Variants in DOCK8 observed in about 807,000 individuals in gnomAD.
DOCK8 encodes dedicator of cytokinesis protein 8.
In DOCK8, 141 loss-of-function variants were observed where a neutral mutation model predicts 245.6. The ratio of observed to expected loss-of-function variants is 0.57; its 90% CI spans 0.50 to 0.66. The LOEUF is 0.66. Among genes scored for constraint, DOCK8 ranks in the 30% least tolerant of loss-of-function variants. The pLI, the probability that DOCK8 is intolerant of heterozygous loss-of-function variation, is 0.00. For missense variants in DOCK8, 2,965 were observed against 2,603.4 expected (o/e 1.14, Z -3.02); for synonymous variants, 1,168 against 970.2 (o/e 1.20, Z -3.79).
upstream of DOCK8, among the ~76,000 whole-genome samples, chr9:211,829 C>T (rs2046624467): frequency 6.6e-6 from 1 of 152,128 alleles, no homozygotes. Context: ...TCCTGCTTTT[C>T]CCTCCACTGG....
At chr9:411,873 TA>T in intron 28 of DOCK8, among the ~76,000 whole-genome samples, 1 of 152,122 alleles carries the variant, frequency 6.6e-6, no homozygotes, top group South Asian at 2.1e-4. Context: ...AAGCATTTAA[TA>T]AAATCTAATA....
At chr9:352,868 AG>A (rs1315139357) in intron 14 of DOCK8, among the ~76,000 whole-genome samples, 2 of 152,174 alleles carry the variant, frequency 1.3e-5, no homozygotes, top group Non-Finnish European at 2.9e-5. Context: ...GTATGAGTGT[AG>A]GGAGTGGGAA....
At chr9:412,705 A>G (rs917035559) in intron 28 of DOCK8, among the ~76,000 whole-genome samples, 1 of 152,182 alleles carries the variant, frequency 6.6e-6, no homozygotes, top group Admixed American at 6.5e-5. Context: ...AAATGTAACA[A>G]AAGAAACACA....
Position 464,233 on chromosome 9 carries a change from C to A in DOCK8, c.*14C>A. 6.2e-7 allele frequency: 1 copy of A among 1,611,360 alleles called. No individual in the cohort carries two copies. Among genetic ancestry groups the A allele is most frequent in the East Asian group, 2.2e-5 (1 of 44,876 alleles). On this transcript the variant is annotated 3_prime_UTR_variant, in exon 48 of 48. Coordinates refer to ENST00000432829, the MANE Select transcript of DOCK8 (RefSeq NM_203447.4). ...CAGGGCAGCTAAGAAAAGCCATCTT[C>A]ATTCGTGGAGACTGTGGCCCTGCAA...
chr9:404,983 C>T lies in DOCK8; in HGVS notation c.3300C>T (p.Leu1100=), dbSNP rs201371117. The T allele has an allele frequency of 1.9e-6, 3 of 1,614,094 alleles. No individual in the cohort carries two copies. Among genetic ancestry groups the T allele is most frequent in the Non-Finnish European group, 1.7e-6 (2 of 1,179,994 alleles). ...TGAGGCTAGAGTTCCTGAGAATCCT[C>T]TGTAGCCATGAGCATTACCTCAATC... ...ISMRLEFLRI[L]CSHEHYLNLN... is the part of the protein sequence containing the mutation. The change falls in exon 27 of 48, where the codon CTC becomes CTT. Residue 1100 remains leucine, a synonymous_variant. Coordinates refer to ENST00000432829, the MANE Select transcript of DOCK8 (RefSeq NM_203447.4).
At chr9:356,392 T>A (rs1291166360) in intron 14 of DOCK8, among the ~76,000 whole-genome samples, 1 of 151,942 alleles carries the variant, frequency 6.6e-6, no homozygotes, top group Non-Finnish European at 1.5e-5. Flanking sequence ...TAGCCAGGCG[T>A]GGTAGCAGGC....
intron 1 of DOCK8, among the ~76,000 whole-genome samples, chr9:248,556 TC>T (rs1171148516): frequency 1.2e-4 from 14 of 121,228 alleles, no homozygotes; most frequent in African/African-American, 5.1e-4. Flanking sequence ...TTTCTCTCTC[TC>T]TCTCTTTCTT....
chr9:396,485 G>A (rs527272585), intron 24 of DOCK8, among the ~76,000 whole-genome samples: 105 of 152,304 alleles, frequency 6.9e-4, no homozygotes, highest in South Asian at 1.2e-3. Flanking sequence ...TGCCTTCCAG[G>A]ATGTAGGCAG....
rs763006372 is a variant in DOCK8, at chr9:372,270, C to A, written c.2093C>A (p.Ser698Tyr). Residue 698 changes from serine to tyrosine, a missense_variant, in exon 18 of 48, where the codon TCC (serine) becomes TAC (tyrosine). Physicochemically the swap from Ser to Tyr is moderately radical, Grantham distance 144. Transcript: ENST00000432829. ...VALEKLPPNYSMHSAEKVPLQ... is the reference protein window; with the variant it reads ...VALEKLPPNYYMHSAEKVPLQ... Reference sequence around the variant, plus strand: ...TTGGAAAAATTGCCACCCAACTACTCCATGCATTCTGCTGAGGTAATTGGC... The same window carrying A: ...TTGGAAAAATTGCCACCCAACTACTACATGCATTCTGCTGAGGTAATTGGC... 6.2e-7 allele frequency: 1 copy of A among 1,613,870 alleles called. No individual in the cohort carries two copies. The highest frequency in any genetic ancestry group is 1.3e-5 in the African/African-American group (1 of 75,048).
In DOCK8 at chr9:248,430, TTCCTTCTGTCTTTCCCC is replaced by T. The variant is rs770486497; in HGVS notation, c.54-23190_54-23174del. Among the ~76,000 whole-genome samples the T allele has an allele frequency of 3.5e-3, 512 of 146,894 alleles. 3 individuals are homozygous for T. The highest frequency in any genetic ancestry group is 7.2e-3 in the Admixed American group (106 of 14,630). On this transcript the variant is annotated intron_variant, in intron 1 of 47. Transcript: ENST00000432829. ...GTGTTCTCTTTCTTTTATTTTTCCC[TTCCTTCTGTCTTTCCCC>T]TCCTTCCTTCCTTCCTTCCTCCCTC... is the stretch of plus-strand genomic sequence containing the variant.
At chr9:425,502 GCAC>G (rs1564053354) in intron 33 of DOCK8, among the ~76,000 whole-genome samples, 15 of 140,532 alleles carry the variant, frequency 1.1e-4, no homozygotes, top group East Asian at 8.1e-4. Flanking sequence ...ACTGCACTCT[GCAC>G]TCCAGCCTGG....
At chr9:293,771 A>G (rs1216730725) in intron 4 of DOCK8, among the ~76,000 whole-genome samples, 1 of 152,254 alleles carries the variant, frequency 6.6e-6, no homozygotes, top group African/African-American at 2.4e-5. Context: ...GGTTTACTAG[A>G]AAGTCGGAGG....
chr9:408,343 G>T (rs939539581), intron 28 of DOCK8, among the ~76,000 whole-genome samples: 1 of 152,214 alleles, frequency 6.6e-6, no homozygotes, highest in Non-Finnish European at 1.5e-5. Flanking sequence ...CTCCTGGCAG[G>T]ATAGTGTGGG....
chr9:307,338 GTTTTTT>G (rs1165775428), intron 5 of DOCK8, among the ~76,000 whole-genome samples: 95 of 51,242 alleles, frequency 1.9e-3, no homozygotes, highest in African/African-American at 5.4e-3. Flanking sequence ...GGTTTTTTTT[GTTTTTT>G]TTTTTTTTTT....
chr9:373,206 G>A (rs1381978743), intron 18 of DOCK8, among the ~76,000 whole-genome samples: 1 of 152,052 alleles, frequency 6.6e-6, no homozygotes, highest in African/African-American at 2.4e-5. Flanking sequence ...GAGCCCAGGG[G>A]ACTGTCCACC....
At chr9:363,859 G>A (rs1040008703) in intron 14 of DOCK8, among the ~76,000 whole-genome samples, 2 of 152,074 alleles carry the variant, frequency 1.3e-5, no homozygotes, top group African/African-American at 2.4e-5. Flanking sequence ...AATGGGTGGC[G>A]GTGCCCCTGT....
chr9:219,901 A>T lies in DOCK8; in HGVS notation c.53+4872A>T, dbSNP rs531442124. On this transcript the variant is annotated intron_variant, in intron 1 of 47. Transcript: ENST00000432829. ...GACAGAGCGAGACTCTATTTCAAAA[A>T]AAAAGGAACAAACCCAATAATTTTG... Among the ~76,000 whole-genome samples the T allele has an allele frequency of 9.2e-5, 14 of 152,332 alleles. No homozygotes were observed. The East Asian group carries it at 1.7e-3, about 19-fold the overall frequency.
intron 1 of DOCK8, among the ~76,000 whole-genome samples, chr9:238,942 A>T (rs2047321715): frequency 7.4e-6 from 1 of 134,550 alleles, no homozygotes; most frequent in African/African-American, 2.5e-5. Context: ...CACAGCTTGC[A>T]CTCACACACA....
At chr9:401,964 A>T (rs1392383389) in intron 26 of DOCK8, among the ~76,000 whole-genome samples, 1 of 152,194 alleles carries the variant, frequency 6.6e-6, no homozygotes, top group Non-Finnish European at 1.5e-5. Flanking sequence ...AGGACCCACC[A>T]GAATAGAATG....
Sources: allele counts gnomAD v4.1 joint callset (sites outside exome capture counted in the v4.1 genomes callset), GRCh38; gene constraint gnomAD v4.1.1; transcripts MANE v1.5; gene names NCBI Gene and HGNC (gene_info 2026-07-23, HGNC 2026-07-21).